The following RGSL1 variants were observed in gnomAD, a reference collection of about 807,000 sequenced individuals.
RGSL1 encodes regulator of G protein signaling protein-like.
In RGSL1, 97 loss-of-function variants were observed where a neutral mutation model predicts 124.7. That is an observed-to-expected ratio of 0.78 (90% confidence interval 0.66 to 0.92). RGSL1 has a LOEUF of 0.92. RGSL1 is among the 40% of genes least tolerant of loss of function. The pLI is 0.00. For missense variants in RGSL1, 1,233 were observed against 1,288.4 expected (o/e 0.96, Z 0.66); for synonymous variants, 424 against 438.1 (o/e 0.97, Z 0.40).
At chr1:182,527,362 A>C (rs1251202552) in intron 10 of RGSL1, among the ~76,000 whole-genome samples, 2 of 152,204 alleles carry the variant, frequency 1.3e-5, no homozygotes, top group Middle Eastern at 3.2e-3. Context: ...ATCTTCCATT[A>C]GGAAGGAAGA....
intron 9 of RGSL1, among the ~76,000 whole-genome samples, chr1:182,498,272 G>A (rs989387034): frequency 2.0e-5 from 3 of 152,006 alleles, no homozygotes; most frequent in South Asian, 2.1e-4. Context: ...CTTATGTCTC[G>A]TTTTGGAATG....
chr1:182,470,740 C>T (rs1653766026), intron 4 of RGSL1, among the ~76,000 whole-genome samples: 1 of 152,056 alleles, frequency 6.6e-6, no homozygotes, highest in Non-Finnish European at 1.5e-5. Context: ...ATTTCAAGCA[C>T]CTATATTGGT....
chr1:182,459,656 G>C (rs1009526322), intron 3 of RGSL1, among the ~76,000 whole-genome samples: 1 of 152,166 alleles, frequency 6.6e-6, no homozygotes, highest in African/African-American at 2.4e-5. Context: ...ATAGAGTTAT[G>C]ATCTGACACC....
At chr1:182,512,271 G>C (rs891391666) in intron 9 of RGSL1, among the ~76,000 whole-genome samples, 2 of 152,056 alleles carry the variant, frequency 1.3e-5, no homozygotes, top group African/African-American at 2.4e-5. Flanking sequence ...GTGACTCTCT[G>C]TCTCTTTTTA....
In RGSL1 at chr1:182,550,885, T is replaced by C. The variant is rs59250418; in HGVS notation, c.2934-215T>C. 3 of 549,942 alleles carry C rather than the reference T, an allele frequency of 5.5e-6. No homozygotes were observed. The East Asian group carries it at 8.9e-5, about 16-fold the overall frequency. The allele number at this position is 549,942 out of a possible 1,614,324, so 34.1% of individuals were successfully genotyped here. ...GAAAGAAGCCCCAACAAACTGCCCA[T>C]GCCAGGCCCGCGCTGGAGCCAGGTC... On this transcript the variant is annotated intron_variant, in intron 17 of 21. Transcript: ENST00000294854.
intron 10 of RGSL1, among the ~76,000 whole-genome samples, chr1:182,524,149 A>G (rs1658563170): frequency 6.6e-6 from 1 of 152,210 alleles, no homozygotes; most frequent in African/African-American, 2.4e-5. Context: ...CCAAATAATT[A>G]GAAAAAGGTA....
At chr1:182,491,478 G>C (rs1212001761) in intron 8 of RGSL1, among the ~76,000 whole-genome samples, 1 of 151,946 alleles carries the variant, frequency 6.6e-6, no homozygotes, top group Non-Finnish European at 1.5e-5. Flanking sequence ...GCCTCCCAAA[G>C]TGCTGGGATT....
intron 3 of RGSL1, 133 bp downstream of exon 3, chr1:182,458,526 G>T: frequency 1.4e-6 from 1 of 724,010 alleles, no homozygotes; most frequent in Non-Finnish European, 2.3e-6. Context: ...CTGCAGTGCG[G>T]TGATGCGATC....
At chr1:182,554,933 T>G in intron 20 of RGSL1, 1 of 525,340 alleles carries the variant, frequency 1.9e-6, no homozygotes, top group Non-Finnish European at 3.4e-6. Flanking sequence ...TCTGACCCAC[T>G]TTTCAGTAGA....
chr1:182,467,448 C>T (rs1326199978), intron 4 of RGSL1, among the ~76,000 whole-genome samples: 3 of 152,082 alleles, frequency 2.0e-5, no homozygotes, highest in Non-Finnish European at 4.4e-5. Flanking sequence ...GAACAGAGCC[C>T]TCAGAAATAA....
chr1:182,511,066 A>C (rs751114470), intron 9 of RGSL1, among the ~76,000 whole-genome samples: 6 of 152,012 alleles, frequency 3.9e-5, no homozygotes, highest in Non-Finnish European at 5.9e-5. Flanking sequence ...TTATAGTTTC[A>C]GGTCTTAGAT....
At chr1:182,517,686 A>G (rs1658003639) in intron 9 of RGSL1, among the ~76,000 whole-genome samples, 1 of 152,138 alleles carries the variant, frequency 6.6e-6, no homozygotes, top group Admixed American at 6.5e-5. Flanking sequence ...TTTTAAGTTC[A>G]GCAAATGTAT....
At chr1:182,461,786 C>T (rs1652859752) in intron 4 of RGSL1, among the ~76,000 whole-genome samples, 1 of 61,378 alleles carries the variant, frequency 1.6e-5, no homozygotes, top group Admixed American at 1.3e-4. Context: ...GAAGATAGGA[C>T]AGTAGAAACT....
chr1:182,506,606 C>A (rs1656825567), intron 9 of RGSL1, among the ~76,000 whole-genome samples: 1 of 151,968 alleles, frequency 6.6e-6, no homozygotes. Context: ...TAAGCTAAGC[C>A]CCTTTTAAGT....
chr1:182,450,958 C>T (rs1457195003), intron 1 of RGSL1, among the ~76,000 whole-genome samples: 1 of 151,936 alleles, frequency 6.6e-6, no homozygotes, highest in African/African-American at 2.4e-5. Flanking sequence ...ACCAGCCTGG[C>T]CAACATGGTA....
At chr1:182,519,753 T>C (rs986950256) in intron 9 of RGSL1, among the ~76,000 whole-genome samples, 3 of 152,092 alleles carry the variant, frequency 2.0e-5, no homozygotes, top group African/African-American at 7.2e-5. Flanking sequence ...TTTTCATTTT[T>C]CCCCCTCTGT....
intron 18 of RGSL1, 45 bp from the exon 19 acceptor site, chr1:182,553,410 G>A (rs1660682946): frequency 2.2e-6 from 3 of 1,389,262 alleles, no homozygotes; most frequent in Non-Finnish European, 3.0e-6. Context: ...ATTTCAGTAG[G>A]AGTTGTCGCA....
intron 19 of RGSL1, among the ~76,000 whole-genome samples, chr1:182,553,773 T>C (rs1194954400): frequency 1.3e-5 from 2 of 152,228 alleles, no homozygotes; most frequent in African/African-American, 4.8e-5. Context: ...TCCTGTCTTC[T>C]TGGTTTTTGT....
At chr1:182,472,323 G>A in intron 4 of RGSL1, 73 bp from the exon 5 acceptor site, 2 of 1,378,888 alleles carry the variant, frequency 1.5e-6, no homozygotes, top group Non-Finnish European at 2.0e-6. Flanking sequence ...GATGTCAGTT[G>A]ATTCACCCAG....
Sources: allele counts gnomAD v4.1 joint callset (sites outside exome capture counted in the v4.1 genomes callset), GRCh38; gene constraint gnomAD v4.1.1; transcripts MANE v1.5; gene names NCBI Gene and HGNC (gene_info 2026-07-23, HGNC 2026-07-21).